The following AGRP variants were observed in gnomAD, a reference collection of about 807,000 sequenced individuals.
AGRP encodes agouti related neuropeptide.
A neutral mutation model predicts 13.6 loss-of-function variants in AGRP; 8 were observed. That is an observed-to-expected ratio of 0.59 (90% CI 0.35 to 1.06). AGRP has a LOEUF of 1.06. Ranked by LOEUF, AGRP falls within the 50% of genes least tolerant of loss-of-function variation. The pLI, the probability that AGRP is intolerant of heterozygous loss-of-function variation, is 0.02. For synonymous variants in AGRP, 63 were observed against 72.4 expected (o/e 0.87, Z 0.66); for missense variants, 155 against 174.8 (o/e 0.89, Z 0.64).
intron 3 of AGRP, 89 bp from the exon 4 acceptor site, chr16:67,482,907 G>A (rs907321201): frequency 3.2e-6 from 5 of 1,575,088 alleles, no homozygotes; most frequent in Non-Finnish European, 4.4e-6. Flanking sequence ...AGTGGAGCAT[G>A]GGAAGGGGTG....
At position 67,483,526 on chromosome 16, in the gene AGRP, C is replaced by T. The variant is rs942000599; in HGVS notation, c.-13G>A. 18 of 1,149,188 alleles carry T rather than the reference C, an allele frequency of 1.6e-5. No individual in the cohort carries two copies. Among genetic ancestry groups the T allele is most frequent in the Admixed American group, 9.3e-5 (3 of 32,196 alleles). The allele number at this position is 1,149,188 out of a possible 1,614,324, so 71.2% of individuals were successfully genotyped here. On this transcript the variant is annotated 5_prime_UTR_variant, in exon 1 of 4. Coordinates refer to ENST00000290953, the MANE Select transcript of AGRP (RefSeq NM_001138.2). ...CAACCTGAGGACTCACCTCTGCCTC[C>T]GGGATTCTTGCCTAGAGAGTTCCCG...
At chr16:67,482,945 G>A (rs1231425435) in intron 3 of AGRP, 80 bp downstream of exon 3, 2 of 1,567,886 alleles carry the variant, frequency 1.3e-6, no homozygotes, top group Non-Finnish European at 1.8e-6. Flanking sequence ...TGGTGAGGGA[G>A]TTTGGAGCTG....
At position 67,482,668 on chromosome 16, in the gene AGRP, C is replaced by G. The variant is rs1567546175; in HGVS notation, c.367G>C (p.Gly123Arg). The G allele has an allele frequency of 6.2e-7, 1 of 1,614,210 alleles. No homozygotes were observed. ...FNAFCYCRKL[G>R]TAMNPCSRT ...CGGCTGCAGGGATTCATGGCAGTAC[C>G]CAGCTTGCGGCAGTAGCAGAAGGCA... Residue 123 changes from glycine to arginine, a missense_variant, in exon 4 of 4, where the codon GGT becomes CGT. Coordinates refer to ENST00000290953, the MANE Select transcript of AGRP (RefSeq NM_001138.2).
At chr16:67,482,879 C>T in intron 3 of AGRP, 61 bp from the exon 4 acceptor site, 2 of 1,599,856 alleles carry the variant, frequency 1.3e-6, no homozygotes, top group South Asian at 2.2e-5. Context: ...TTACCTGTCC[C>T]AACCTGTGCA....
intron 1 of AGRP, 42 bp downstream of exon 1, chr16:67,483,475 C>T (rs2041532227): frequency 7.0e-7 from 1 of 1,420,750 alleles, no homozygotes; most frequent in Non-Finnish European, 9.2e-7. Flanking sequence ...CAGATAGAGA[C>T]CCCACAGAGA....
At chr16:67,482,843 G>A (rs2041515703) in intron 3 of AGRP, 25 bp from the exon 4 acceptor site, 1 of 1,613,038 alleles carries the variant, frequency 6.2e-7, no homozygotes, top group Admixed American at 1.7e-5. Context: ...AACCAGCACA[G>A]GCCTCTAAAG....
chr16:67,483,133 A>G (rs764666263), intron 2 of AGRP, 23 bp from the exon 3 acceptor site: 1 of 1,613,242 alleles, frequency 6.2e-7, no homozygotes. Context: ...ATGTGAGGGC[A>G]GGAACCCCCA....
At position 67,483,331 on chromosome 16, in the gene AGRP, A is replaced by G; in HGVS notation, c.68T>C (p.Met23Thr). 3.2e-6 allele frequency: 5 copies of G among 1,567,404 alleles called. No homozygotes were observed. The highest frequency in any genetic ancestry group is 4.3e-6 in the Non-Finnish European group (5 of 1,159,260). Reference protein sequence around the residue: ...LALPATRGAQMGLAPMEGIRR... With the variant: ...LALPATRGAQTGLAPMEGIRR... ...GATGCCCTCCATGGGGGCCAAGCCC[A>G]TCTGGGCTCCTCGCGTGGCAGGCAG... Residue 23 changes from methionine (M) to threonine (T), a missense_variant, in exon 2 of 4, where the codon ATG becomes ACG. Met to Thr is a moderately conservative substitution (Grantham distance 81, BLOSUM62 -1). Transcript: ENST00000290953.
intron 2 of AGRP, 50 bp from the exon 3 acceptor site, chr16:67,483,160 C>T (rs554452711): frequency 2.2e-5 from 35 of 1,611,834 alleles, no homozygotes; most frequent in Middle Eastern, 3.3e-4. Context: ...AAGCACCCAC[C>T]TCCCAGGGGA....
chr16:67,483,331 A>T lies in AGRP; in HGVS notation c.68T>A (p.Met23Lys), dbSNP rs1222484900. 1 of 1,567,284 alleles carries T rather than the reference A, an allele frequency of 6.4e-7. No homozygotes were observed. The highest frequency in any genetic ancestry group is 8.6e-7 in the Non-Finnish European group (1 of 1,159,266). The change falls in exon 2 of 4, where the codon ATG becomes AAG. Residue 23 changes from methionine (M) to lysine (K), a missense_variant. Met to Lys is a moderately conservative substitution (Grantham distance 95, BLOSUM62 -1). Coordinates refer to ENST00000290953, the MANE Select transcript of AGRP (RefSeq NM_001138.2). ...GATGCCCTCCATGGGGGCCAAGCCC[A>T]TCTGGGCTCCTCGCGTGGCAGGCAG... ...LALPATRGAQ[M>K]GLAPMEGIRR...
In AGRP at chr16:67,482,667, C is replaced by T. The variant is rs1191172042; in HGVS notation, c.368G>A (p.Gly123Asp). Residue 123 changes from glycine (G) to aspartate (D), a missense_variant, in exon 4 of 4, where the codon GGT (glycine) becomes GAT (aspartate). Transcript: ENST00000290953. Reference sequence around the variant, plus strand: ...GCGGCTGCAGGGATTCATGGCAGTACCCAGCTTGCGGCAGTAGCAGAAGGC... The same window carrying T: ...GCGGCTGCAGGGATTCATGGCAGTATCCAGCTTGCGGCAGTAGCAGAAGGC... ...FNAFCYCRKLGTAMNPCSRT is the reference protein window; with the variant it reads ...FNAFCYCRKLDTAMNPCSRT 1 of 1,614,226 alleles carries T rather than the reference C, an allele frequency of 6.2e-7. No individual in the cohort carries two copies. Among genetic ancestry groups the T allele is most frequent in the Non-Finnish European group, 8.5e-7 (1 of 1,180,052 alleles).
intron 2 of AGRP, 35 bp downstream of exon 2, chr16:67,483,234 A>G: frequency 6.3e-7 from 1 of 1,581,530 alleles, no homozygotes; most frequent in Non-Finnish European, 8.6e-7. Context: ...GAGGGTATTC[A>G]GGCCCCGCCC....
At position 67,482,851 on chromosome 16, in the gene AGRP, A is replaced by G. The variant is rs1310612380; in HGVS notation, c.217-33T>C. 1.9e-6 allele frequency: 3 copies of G among 1,611,882 alleles called. No homozygotes were observed. In the Admixed American group the frequency reaches 5.0e-5, roughly 27 times the overall value. ...GGTGGGGAACCAGCACAGGCCTCTA[A>G]AGACAGATCCAGGGATCTTACCTGT... On this transcript the variant is annotated intron_variant, in intron 3 of 3. Coordinates refer to ENST00000290953, the MANE Select transcript of AGRP (RefSeq NM_001138.2).
Position 67,482,625 on chromosome 16 carries a change from A to T in AGRP, c.*11T>A, listed in dbSNP as rs777638183. 10 of 1,613,928 alleles carry T rather than the reference A, an allele frequency of 6.2e-6. No individual in the cohort carries two copies. In the African/African-American group the frequency reaches 1.2e-4, roughly 19 times the overall value. On this transcript the variant is annotated 3_prime_UTR_variant, in exon 4 of 4. Transcript: ENST00000290953. ...TGCCCCTACCCTAGCCCCGACCCTGACGTTGGCCAGCTAGGTGCGGCTGCA... is the reference window on the plus strand; with the variant it reads ...TGCCCCTACCCTAGCCCCGACCCTGTCGTTGGCCAGCTAGGTGCGGCTGCA...
At chr16:67,483,238 C>T (rs1459678414) in intron 2 of AGRP, 31 bp downstream of exon 2, 1 of 1,576,148 alleles carries the variant, frequency 6.3e-7, no homozygotes, top group Admixed American at 1.8e-5. Context: ...GTATTCAGGC[C>T]CCGCCCAGTC....
chr16:67,482,711 G>A lies in AGRP; in HGVS notation c.324C>T (p.Cys108=), dbSNP rs2041511404. 2.5e-6 allele frequency: 4 copies of A among 1,614,112 alleles called. No individual in the cohort carries two copies. The highest frequency in any genetic ancestry group is 3.4e-6 in the Non-Finnish European group (4 of 1,180,046). Reference sequence around the variant, plus strand: ...AGAAGGCATTGAAGAAGCGGCAGTAGCACGTGGCACATGGGTCACAGCAAG... The same window carrying A: ...AGAAGGCATTGAAGAAGCGGCAGTAACACGTGGCACATGGGTCACAGCAAG... ...QVPCCDPCAT[C]YCRFFNAFCY... Residue 108 remains cysteine (C), a synonymous_variant, in exon 4 of 4, where the codon TGC becomes TGT. Coordinates refer to ENST00000290953, the MANE Select transcript of AGRP (RefSeq NM_001138.2).
At chr16:67,482,978 G>A (rs770115259) in intron 3 of AGRP, 47 bp downstream of exon 3, 5 of 1,588,158 alleles carry the variant, frequency 3.1e-6, no homozygotes, top group Non-Finnish European at 4.3e-6. Context: ...AATACCCAAT[G>A]CCCCCTCCCA....
rs770580781 is a variant in AGRP at position 67,483,289 on chromosome 16, G to A, written c.110C>T (p.Ala37Val). Residue 37 changes from alanine to valine, a missense_variant, in exon 2 of 4, where the codon GCC becomes GTC. Coordinates refer to ENST00000290953, the MANE Select transcript of AGRP (RefSeq NM_001138.2). Reference protein sequence around the residue: ...PMEGIRRPDQALLPELPGLGL... With the variant: ...PMEGIRRPDQVLLPELPGLGL... ...CTGACCTGGGAGCTCTGGGAGCAGG[G>A]CCTGGTCAGGCCTTCTGATGCCCTC... 155 of 1,586,864 alleles carry A rather than the reference G, an allele frequency of 9.8e-5. No individual in the cohort carries two copies. Among genetic ancestry groups the A allele is most frequent in the Middle Eastern group, 1.9e-4 (1 of 5,272 alleles).
At chr16:67,483,236 G>T in intron 2 of AGRP, 33 bp downstream of exon 2, 1 of 1,579,188 alleles carries the variant, frequency 6.3e-7, no homozygotes, top group Non-Finnish European at 8.6e-7. Context: ...GGGTATTCAG[G>T]CCCCGCCCAG....
Sources: allele counts gnomAD v4.1 joint callset, GRCh38; gene constraint gnomAD v4.1.1; transcripts MANE v1.5; gene names NCBI Gene and HGNC (gene_info 2026-07-23, HGNC 2026-07-21).